Variants in LRP2 observed in about 807,000 individuals in gnomAD.
LRP2 encodes the protein low-density lipoprotein receptor-related protein 2.
LRP2 carries 172 observed loss-of-function variants against 531.0 expected under a neutral mutation model. The observed-to-expected ratio is 0.32, with a 90% confidence interval of 0.29 to 0.37. The LOEUF is 0.37. LRP2 is among the 10% of genes least tolerant of loss of function. The probability of loss-of-function intolerance (pLI) is 1.00; values close to 1 mark genes in which losing one functional copy is unlikely to be tolerated. For missense variants in LRP2, 5,167 were observed against 5,868.3 expected (o/e 0.88, Z 3.90); for synonymous variants, 1,992 against 2,027.6 (o/e 0.98, Z 0.47).
At chr2:169,258,976 G>A (rs753554934) in intron 17 of LRP2, 49 bp downstream of exon 17, 1 of 1,539,474 alleles carries the variant, frequency 6.5e-7, no homozygotes. Context: ...TTCAATGACT[G>A]TAAAAGACAT....
chr2:169,347,397 G>T (rs2105569314), intron 1 of LRP2, among the ~76,000 whole-genome samples: 1 of 152,250 alleles, frequency 6.6e-6, no homozygotes, highest in Non-Finnish European at 1.5e-5. Context: ...AAGAAACTCA[G>T]CTCTCACTTG....
chr2:169,282,403 C>T (rs539395180), intron 10 of LRP2, among the ~76,000 whole-genome samples: 1 of 152,190 alleles, frequency 6.6e-6, no homozygotes, highest in Non-Finnish European at 1.5e-5. Context: ...CAACAAATTA[C>T]CCAGAGTTAG....
chr2:169,221,737 C>A (rs1689015898), intron 33 of LRP2, among the ~76,000 whole-genome samples: 1 of 151,930 alleles, frequency 6.6e-6, no homozygotes, highest in Non-Finnish European at 1.5e-5. Context: ...ATTCTTTTCT[C>A]TAAATTTTTT....
In LRP2 at chr2:169,209,302, G is replaced by A. The variant is rs908329106; in HGVS notation, c.6469+151C>T. On this transcript the variant is annotated intron_variant, in intron 38 of 78. Transcript: ENST00000649046. ...ACCGTATCATTTATCAAATAGACACGTAGCTTAATCTAGATTCAATGTATC... is the reference window on the plus strand; with the variant it reads ...ACCGTATCATTTATCAAATAGACACATAGCTTAATCTAGATTCAATGTATC... 7.1e-5 allele frequency: 50 copies of A among 707,134 alleles called. 2 individuals are homozygous for A. The highest frequency in any genetic ancestry group is 4.1e-4 in the South Asian group (26 of 63,498). 43.8% of individuals were successfully genotyped at this position (707,134 alleles called of 1,614,324 possible).
At chr2:169,234,972 C>A (rs990991303) in intron 29 of LRP2, among the ~76,000 whole-genome samples, 1 of 150,570 alleles carries the variant, frequency 6.6e-6, no homozygotes, top group African/African-American at 2.4e-5. Flanking sequence ...TGCAGTGGCA[C>A]AATCACAGCT....
rs767207407 is a variant in LRP2 at position 169,247,370 on chromosome 2, T to C, written c.2908+8A>G. 15 of 1,613,914 alleles carry C rather than the reference T, an allele frequency of 9.3e-6. No homozygotes were observed. The highest frequency in any genetic ancestry group is 1.2e-5 in the Non-Finnish European group (14 of 1,180,014). On this transcript the variant is annotated splice_region_variant and intron_variant, in intron 20 of 78. Coordinates refer to ENST00000649046, the MANE Select transcript of LRP2 (RefSeq NM_004525.3). ...AAAAAATAAAAAAAACTGGGCAATC[T>C]CACTCACCAGTCTGGATGTTGACAT...
Position 169,237,162 on chromosome 2 carries a change from A to C in LRP2, c.4632T>G (p.Thr1544=). The C allele has an allele frequency of 6.2e-7, 1 of 1,614,024 alleles. No homozygotes were observed. The highest frequency in any genetic ancestry group is 8.5e-7 in the Non-Finnish European group (1 of 1,179,950). The change falls in exon 28 of 79, where the codon ACT becomes ACG. Residue 1544 remains threonine (T), a synonymous_variant. Transcript: ENST00000649046. ...TTGTTAGGTTTTTACTAATCAGCAC[A>C]GTCCTGTGGCTCCCATCAATTTTGG... The part of the protein sequence containing the change: ...EVSKIDGSHR[T]VLISKNLTNP...
chr2:169,326,853 C>T (rs1324695422), intron 1 of LRP2, among the ~76,000 whole-genome samples: 3 of 148,766 alleles, frequency 2.0e-5, no homozygotes, highest in African/African-American at 7.5e-5. Context: ...ATGTGGGGAG[C>T]GCCTCTGCCC....
At chr2:169,180,397 C>T (rs1311529314) in intron 52 of LRP2, among the ~76,000 whole-genome samples, 1 of 152,174 alleles carries the variant, frequency 6.6e-6, no homozygotes. Flanking sequence ...AGTCTCTACC[C>T]TAAGAGTGAG....
intron 12 of LRP2, among the ~76,000 whole-genome samples, chr2:169,278,204 G>T (rs1396881674): frequency 6.6e-6 from 1 of 152,002 alleles, no homozygotes; most frequent in Non-Finnish European, 1.5e-5. Context: ...TATTCAGCCA[G>T]CCAGGCACAG....
At chr2:169,239,869 C>T (rs1689742311) in intron 25 of LRP2, 94 bp from the exon 26 acceptor site, 6 of 1,092,932 alleles carry the variant, frequency 5.5e-6, no homozygotes, top group African/African-American at 1.6e-5. Flanking sequence ...CAGTCTCATG[C>T]CACCTTCAAT....
At chr2:169,150,389 C>A (rs1372914882) in intron 68 of LRP2, among the ~76,000 whole-genome samples, 1 of 152,088 alleles carries the variant, frequency 6.6e-6, no homozygotes, top group South Asian at 2.1e-4. Context: ...TTCTCATTTA[C>A]ACTGAGATGA....
At chr2:169,314,496 T>C (rs1684707574) in intron 3 of LRP2, among the ~76,000 whole-genome samples, 1 of 152,016 alleles carries the variant, frequency 6.6e-6, no homozygotes, top group South Asian at 2.1e-4. Flanking sequence ...AATTCAAACA[T>C]ATAGAAATTA....
intron 1 of LRP2, among the ~76,000 whole-genome samples, chr2:169,340,066 C>T (rs532542024): frequency 2.6e-4 from 39 of 152,222 alleles, no homozygotes; most frequent in Middle Eastern, 3.4e-3. Context: ...TCTACAATTT[C>T]TTTCCCATCT....
intron 38 of LRP2, 134 bp from the exon 39 acceptor site, chr2:169,207,384 G>A (rs1688435688): frequency 1.4e-6 from 1 of 699,610 alleles, no homozygotes; most frequent in Non-Finnish European, 2.6e-6. Context: ...CAAGATGATA[G>A]TGTCCCAGTC....
intron 59 of LRP2, 39 bp downstream of exon 59, chr2:169,170,512 G>C: frequency 3.3e-6 from 5 of 1,526,764 alleles, no homozygotes; most frequent in Non-Finnish European, 4.5e-6. Context: ...CACTGTCACA[G>C]TACAAAATTC....
chr2:169,163,979 T>C (rs745926999), intron 62 of LRP2, among the ~76,000 whole-genome samples: 4 of 152,244 alleles, frequency 2.6e-5, no homozygotes, highest in Non-Finnish European at 5.9e-5. Flanking sequence ...TTACAATGTC[T>C]GCCCAGAGTG....
chr2:169,243,317 T>C (rs1689880225), intron 23 of LRP2, 86 bp downstream of exon 23: 4 of 1,515,182 alleles, frequency 2.6e-6, no homozygotes, highest in Non-Finnish European at 3.6e-6. Context: ...CCCCGGTGTG[T>C]GATGTTCCCC....
At chr2:169,196,362 T>C (rs995312109) in intron 46 of LRP2, among the ~76,000 whole-genome samples, 2 of 152,318 alleles carry the variant, frequency 1.3e-5, no homozygotes, top group South Asian at 2.1e-4. Context: ...TGCATGGATA[T>C]AGATTAGAAT....
Sources: gnomAD v4.1 joint callset for allele counts (sites outside exome capture counted in the v4.1 genomes callset) on GRCh38, gnomAD v4.1.1 for gene constraint, MANE v1.5 for transcripts, NCBI Gene and HGNC (gene_info 2026-07-23, HGNC 2026-07-21) for gene names.